The following RUNDC3B variants were observed in gnomAD, a reference collection of about 807,000 sequenced individuals.
The protein encoded by RUNDC3B is RUN domain containing 3B, also known as RUN domain-containing protein 3B.
Under a neutral mutation model 58.4 loss-of-function variants are expected in RUNDC3B, and 33 were observed. The observed-to-expected ratio is 0.56, with a 90% confidence interval of 0.43 to 0.75. The LOEUF (loss-of-function observed/expected upper bound fraction) is 0.75. Among genes scored for constraint, RUNDC3B ranks in the 30% least tolerant of loss-of-function variants. RUNDC3B has a pLI of 0.00. For missense variants in RUNDC3B, 501 were observed against 535.7 expected, an observed-to-expected ratio of 0.94 and a Z score of 0.64; for synonymous variants, 193 against 195.2, an observed-to-expected ratio of 0.99 and a Z score of 0.10.
At chr7:87,672,684 G>A (rs530015161) in intron 2 of RUNDC3B, among the ~76,000 whole-genome samples, 3 of 152,250 alleles carry the variant, frequency 2.0e-5, no homozygotes, top group African/African-American at 4.8e-5. Flanking sequence ...CTGTGAGACC[G>A]AAGGCCCTGG....
chr7:87,728,532 G>C (rs1455343126), intron 4 of RUNDC3B, among the ~76,000 whole-genome samples: 2 of 152,144 alleles, frequency 1.3e-5, no homozygotes, highest in Non-Finnish European at 2.9e-5. Flanking sequence ...CCAGTTTCTA[G>C]AAGATGTATG....
intron 4 of RUNDC3B, among the ~76,000 whole-genome samples, chr7:87,737,505 C>G (rs1584053189): frequency 6.6e-6 from 1 of 152,068 alleles, no homozygotes; most frequent in Admixed American, 6.6e-5. Flanking sequence ...CTACCTCTTT[C>G]ATACACATGA....
At chr7:87,799,615 G>A (rs181863576) in intron 8 of RUNDC3B, among the ~76,000 whole-genome samples, 29 of 152,136 alleles carry the variant, frequency 1.9e-4, no homozygotes, top group Admixed American at 1.5e-3. Flanking sequence ...AAGGCCAGGC[G>A]CGGTGGTTCA....
intron 6 of RUNDC3B, among the ~76,000 whole-genome samples, chr7:87,765,876 A>G (rs1208182682): frequency 6.6e-6 from 1 of 151,906 alleles, no homozygotes; most frequent in Non-Finnish European, 1.5e-5. Context: ...TAATCTGTCT[A>G]GTGCTATTAG....
intron 8 of RUNDC3B, among the ~76,000 whole-genome samples, chr7:87,779,679 A>G (rs560245535): frequency 9.9e-5 from 15 of 152,214 alleles, no homozygotes; most frequent in Non-Finnish European, 1.9e-4. Context: ...GGTTTGTTAC[A>G]TGGATATGTT....
chr7:87,655,034 C>A (rs1305506313), intron 2 of RUNDC3B, among the ~76,000 whole-genome samples: 3 of 151,992 alleles, frequency 2.0e-5, no homozygotes, highest in Non-Finnish European at 4.4e-5. Context: ...CGAAGGATAA[C>A]AAGTGCTGGA....
chr7:87,825,318 A>G (rs1837741943), intron 10 of RUNDC3B, among the ~76,000 whole-genome samples: 1 of 152,226 alleles, frequency 6.6e-6, no homozygotes, highest in South Asian at 2.1e-4. Context: ...AATCCCCAAG[A>G]CAATGGGAGA....
chr7:87,790,517 G>A (rs1835466399), intron 8 of RUNDC3B, among the ~76,000 whole-genome samples: 1 of 152,134 alleles, frequency 6.6e-6, no homozygotes. Flanking sequence ...TGGAGTCCTG[G>A]AGAAATAGGG....
intron 4 of RUNDC3B, among the ~76,000 whole-genome samples, chr7:87,733,465 T>C (rs532390569): frequency 3.3e-5 from 5 of 152,192 alleles, no homozygotes; most frequent in Admixed American, 6.5e-5. Context: ...TTGAACATAA[T>C]AAAAATTAAA....
At chr7:87,669,307 T>G (rs572365703) in intron 2 of RUNDC3B, among the ~76,000 whole-genome samples, 1 of 152,332 alleles carries the variant, frequency 6.6e-6, no homozygotes, top group Admixed American at 6.5e-5. Flanking sequence ...CCCTTCTTTT[T>G]TCTGTTTTCC....
chr7:87,733,909 G>A (rs1831762366), intron 4 of RUNDC3B, among the ~76,000 whole-genome samples: 1 of 152,152 alleles, frequency 6.6e-6, no homozygotes, highest in Admixed American at 6.5e-5. Context: ...TGCGATAAGG[G>A]TTTTGTATCT....
chr7:87,746,001 CATT>C (rs1408715278), intron 6 of RUNDC3B, among the ~76,000 whole-genome samples: 2 of 151,944 alleles, frequency 1.3e-5, no homozygotes, highest in East Asian at 1.9e-4. Flanking sequence ...TAGGTTGTGT[CATT>C]ATTGTTGTTC....
intron 9 of RUNDC3B, among the ~76,000 whole-genome samples, chr7:87,814,191 A>G (rs1335814516): frequency 1.4e-5 from 2 of 145,894 alleles, no homozygotes; most frequent in South Asian, 2.1e-4. Context: ...ATCTCTGCCT[A>G]TCAGGTTCAA....
At chr7:87,697,638 T>A (rs1437734716) in intron 2 of RUNDC3B, among the ~76,000 whole-genome samples, 1 of 152,224 alleles carries the variant, frequency 6.6e-6, no homozygotes, top group Non-Finnish European at 1.5e-5. Context: ...TGTAACTGCT[T>A]GTATGATTAC....
In RUNDC3B at chr7:87,710,778, A is replaced by G. The variant is rs1321459352; in HGVS notation, c.458+123A>G. ...AACTGTTTTATTTCCTCCTTTTGTTACTACTCAGATAAATCCACTGTCTTC... is the reference window on the plus strand; with the variant it reads ...AACTGTTTTATTTCCTCCTTTTGTTGCTACTCAGATAAATCCACTGTCTTC... On this transcript the variant is annotated intron_variant, in intron 4 of 10. Coordinates refer to ENST00000394654, the MANE Select transcript of RUNDC3B (RefSeq NM_001134405.2). 3 of 534,542 alleles carry G rather than the reference A, an allele frequency of 5.6e-6. No homozygotes were observed. In the African/African-American group the frequency reaches 5.9e-5, roughly 10 times the overall value. The allele number at this position is 534,542 out of a possible 1,614,324, so 33.1% of individuals were successfully genotyped here. A position where few individuals can be genotyped will look rare whatever the true frequency, so the allele number is the denominator to read the frequency against.
intron 2 of RUNDC3B, among the ~76,000 whole-genome samples, chr7:87,666,460 GT>G (rs1344045668): frequency 1.3e-5 from 2 of 152,094 alleles, no homozygotes; most frequent in Admixed American, 1.3e-4. Flanking sequence ...TCTGTGGATA[GT>G]TTCCTTTGCT....
chr7:87,634,942 A>G (rs1454087950), intron 1 of RUNDC3B, among the ~76,000 whole-genome samples: 2 of 152,176 alleles, frequency 1.3e-5, no homozygotes, highest in Non-Finnish European at 2.9e-5. Flanking sequence ...CTAGTCCTAG[A>G]GTAGACATTT....
intron 2 of RUNDC3B, among the ~76,000 whole-genome samples, chr7:87,661,608 T>G (rs1824724319): frequency 6.6e-6 from 1 of 152,070 alleles, no homozygotes; most frequent in African/African-American, 2.4e-5. Context: ...TCTCATTTTT[T>G]TATGGCTGAA....
rs545028126 is a variant in RUNDC3B at position 87,628,866 on chromosome 7, G to C, written c.43G>C (p.Gly15Arg). Reference sequence around the variant, plus strand: ...GGGGGGCCTGAGCGGGATCCGCGGCGGTGGCGGCGGAGGCGGCAAGAAAAG... The same window carrying C: ...GGGGGGCCTGAGCGGGATCCGCGGCCGTGGCGGCGGAGGCGGCAAGAAAAG... ...SLGGLSGIRG[G>R]GGGGGKKSLS... is the part of the protein sequence containing the mutation. Residue 15 changes from glycine to arginine, a missense_variant, in exon 1 of 11, where the codon GGT becomes CGT. Transcript: ENST00000394654. 1.6e-6 allele frequency: 2 copies of C among 1,281,264 alleles called. No individual in the cohort carries two copies. Among genetic ancestry groups the C allele is most frequent in the South Asian group, 3.7e-5 (1 of 27,188 alleles). The allele number at this position is 1,281,264 out of a possible 1,614,324, so 79.4% of individuals were successfully genotyped here.
Sources: gnomAD v4.1 joint callset for allele counts (sites outside exome capture counted in the v4.1 genomes callset) on GRCh38, gnomAD v4.1.1 for gene constraint, MANE v1.5 for transcripts, NCBI Gene and HGNC (gene_info 2026-07-23, HGNC 2026-07-21) for gene names.